The following TBC1D12 variants were observed in gnomAD, a reference collection of about 807,000 sequenced individuals.
TBC1D12 encodes the protein TBC1 domain family member 12, also known as TBC1 domain family, member 12.
A neutral mutation model predicts 86.7 loss-of-function variants in TBC1D12; 56 were observed. The ratio of observed to expected loss-of-function variants is 0.65; its 90% CI spans 0.52 to 0.81. TBC1D12 has a LOEUF of 0.81. Ranked by LOEUF, TBC1D12 falls within the 30% of genes least tolerant of loss-of-function variation. The pLI is 0.00. For missense variants in TBC1D12, 1,023 were observed against 1,038.8 expected (o/e 0.98, Z 0.21); for synonymous variants, 421 against 411.7 (o/e 1.02, Z -0.27).
chr10:94,517,759 CAT>C (rs1185126378), intron 9 of TBC1D12, among the ~76,000 whole-genome samples: 8 of 152,342 alleles, frequency 5.3e-5, no homozygotes, highest in South Asian at 2.1e-4. Flanking sequence ...TAATGAATAA[CAT>C]ATGCTGAATC....
intron 5 of TBC1D12, among the ~76,000 whole-genome samples, chr10:94,497,538 G>A (rs1386892219): frequency 3.0e-5 from 1 of 32,882 alleles, no homozygotes; most frequent in African/African-American, 1.1e-4. Context: ...TTTTTTTTTT[G>A]AGACGGAGTC....
intron 6 of TBC1D12, among the ~76,000 whole-genome samples, chr10:94,500,748 AT>A (rs148269881): frequency 4.7e-5 from 7 of 150,424 alleles, no homozygotes; most frequent in East Asian, 1.9e-4. Flanking sequence ...TCATTTTGGG[AT>A]TTTTTTTTTA....
At chr10:94,473,649 G>T (rs936882359) in intron 2 of TBC1D12, among the ~76,000 whole-genome samples, 1 of 152,108 alleles carries the variant, frequency 6.6e-6, no homozygotes, top group Non-Finnish European at 1.5e-5. Context: ...TAATATTTGA[G>T]AATGTAATGA....
At chr10:94,463,857 T>C (rs1202884494) in intron 2 of TBC1D12, among the ~76,000 whole-genome samples, 1 of 152,224 alleles carries the variant, frequency 6.6e-6, no homozygotes, top group Non-Finnish European at 1.5e-5. Flanking sequence ...TTCTGCTTTT[T>C]CTACCACTAA....
chr10:94,483,694 A>G (rs1376817367), intron 3 of TBC1D12, among the ~76,000 whole-genome samples: 1 of 151,884 alleles, frequency 6.6e-6, no homozygotes, highest in Non-Finnish European at 1.5e-5. Context: ...GGTAGTTTGC[A>G]CATATTTTCT....
At chr10:94,415,137 C>A (rs576475486) in intron 1 of TBC1D12, among the ~76,000 whole-genome samples, 1 of 152,276 alleles carries the variant, frequency 6.6e-6, no homozygotes, top group South Asian at 2.1e-4. Flanking sequence ...GGAAAAAATT[C>A]ATGGTTCATT....
chr10:94,438,494 A>G (rs115808527), intron 1 of TBC1D12, among the ~76,000 whole-genome samples: 71 of 152,146 alleles, frequency 4.7e-4, no homozygotes, highest in African/African-American at 1.7e-3. Flanking sequence ...TCACTCCCTT[A>G]GGGCCAGACC....
chr10:94,490,017 G>C (rs1396536863), intron 3 of TBC1D12, among the ~76,000 whole-genome samples: 4 of 152,182 alleles, frequency 2.6e-5, no homozygotes. Flanking sequence ...GGAGGCCGGG[G>C]CAGGCAGATC....
chr10:94,436,024 C>T (rs1817724058), intron 1 of TBC1D12, among the ~76,000 whole-genome samples: 2 of 152,044 alleles, frequency 1.3e-5, no homozygotes, highest in Admixed American at 6.6e-5. Context: ...TTCTTTATCC[C>T]TGGGTCAATA....
chr10:94,405,880 G>T (rs1026964917), intron 1 of TBC1D12, among the ~76,000 whole-genome samples: 1 of 151,504 alleles, frequency 6.6e-6, no homozygotes, highest in Non-Finnish European at 1.5e-5. Flanking sequence ...TGCCATCTTG[G>T]CTCACTGCAA....
intron 6 of TBC1D12, among the ~76,000 whole-genome samples, chr10:94,505,135 A>G (rs2134196815): frequency 6.6e-6 from 1 of 152,304 alleles, no homozygotes; most frequent in Admixed American, 6.5e-5. Flanking sequence ...AAATTTGGGT[A>G]TAATATTGAA....
chr10:94,460,014 C>T (rs747307462), intron 2 of TBC1D12, among the ~76,000 whole-genome samples: 5 of 152,096 alleles, frequency 3.3e-5, no homozygotes, highest in Non-Finnish European at 5.9e-5. Context: ...GAGGAGGCAC[C>T]GAGAGTGAGC....
chr10:94,451,486 C>T (rs2134105583), intron 2 of TBC1D12, among the ~76,000 whole-genome samples: 1 of 152,100 alleles, frequency 6.6e-6, no homozygotes, highest in African/African-American at 2.4e-5. Context: ...TTCTTAATGT[C>T]AATTTTGTGT....
intron 11 of TBC1D12, among the ~76,000 whole-genome samples, chr10:94,530,496 A>G (rs1842394761): frequency 6.6e-6 from 1 of 152,228 alleles, no homozygotes; most frequent in Non-Finnish European, 1.5e-5. Context: ...TCATACAATA[A>G]TAATAATTTT....
In TBC1D12 at chr10:94,403,366, C is replaced by G. The variant is rs918360848; in HGVS notation, c.753C>G (p.Thr251=). Residue 251 remains threonine (T), a synonymous_variant, in exon 1 of 13, where the codon ACC becomes ACG. Coordinates refer to ENST00000225235, the MANE Select transcript of TBC1D12 (RefSeq NM_015188.2). ...CCGAGGAGGGCGCGCCCCCTGCCAC[C>G]TCGGCCGAGAGGACTAATGGGGGTG... ...GGPEEGAPPA[T]SAERTNGGAE... 2 of 1,529,808 alleles carry G rather than the reference C, an allele frequency of 1.3e-6. No individual in the cohort carries two copies. Among genetic ancestry groups the G allele is most frequent in the Non-Finnish European group, 8.8e-7 (1 of 1,139,004 alleles). The allele number at this position is 1,529,808 out of a possible 1,614,324, so 94.8% of individuals were successfully genotyped here.
chr10:94,525,848 A>G (rs976218559), intron 11 of TBC1D12, among the ~76,000 whole-genome samples: 1 of 152,062 alleles, frequency 6.6e-6, no homozygotes, highest in Non-Finnish European at 1.5e-5. Flanking sequence ...GTACATATCC[A>G]TGGGGTACAT....
In TBC1D12 at chr10:94,441,951, G is replaced by A; in HGVS notation, c.1027G>A (p.Gly343Ser). 7 of 1,613,192 alleles carry A rather than the reference G, an allele frequency of 4.3e-6. No homozygotes were observed. The highest frequency in any genetic ancestry group is 5.9e-6 in the Non-Finnish European group (7 of 1,179,602). The change falls in exon 2 of 13, where the codon GGT (glycine) becomes AGT (serine). Residue 343 changes from glycine to serine, a missense_variant. This residue lies in a region of TBC1D12 where 628 missense variants were observed against 531.1 expected (regional missense o/e 1.18). Coordinates refer to ENST00000225235, the MANE Select transcript of TBC1D12 (RefSeq NM_015188.2). ...CAAATCAGTTGTCCATAGTGCTCCT[G>A]GTTGGAAATTATTTGGTAAAGTCCC... The part of the protein sequence containing the change: ...ELKSVVHSAP[G>S]WKLFGKVPPR...
chr10:94,453,140 A>G (rs914206798), intron 2 of TBC1D12, among the ~76,000 whole-genome samples: 8 of 152,234 alleles, frequency 5.3e-5, no homozygotes, highest in Middle Eastern at 3.4e-3. Flanking sequence ...CTTATTGTTG[A>G]GTTTTAAGAC....
chr10:94,528,950 T>C (rs1842362009), intron 11 of TBC1D12, among the ~76,000 whole-genome samples: 1 of 152,128 alleles, frequency 6.6e-6, no homozygotes, highest in South Asian at 2.1e-4. Flanking sequence ...AGCTTTAATG[T>C]AGAAAAATAA....
Sources: allele counts gnomAD v4.1 joint callset (sites outside exome capture counted in the v4.1 genomes callset), GRCh38; gene constraint gnomAD v4.1.1; regional missense constraint gnomAD v4.1.1; transcripts MANE v1.5; gene names NCBI Gene and HGNC (gene_info 2026-07-23, HGNC 2026-07-21).